NCKAP5L: variants seen among roughly 807,000 people sequenced by gnomAD.
NCKAP5L encodes the protein nck-associated protein 5-like.
In NCKAP5L, 54 loss-of-function variants were observed where a neutral mutation model predicts 103.2. The ratio of observed to expected loss-of-function variants is 0.52; its 90% confidence interval spans 0.42 to 0.66. The LOEUF is 0.66. Among genes scored for constraint, NCKAP5L ranks in the 30% least tolerant of loss-of-function variants. The pLI, the probability that NCKAP5L is intolerant of heterozygous loss-of-function variation, is 0.00. For synonymous variants in NCKAP5L, 762 were observed against 748.6 expected (o/e 1.02, Z -0.29); for missense variants, 1,733 against 1,750.6 (o/e 0.99, Z 0.18).
At chr12:49,806,300 G>T (rs1946179310) in intron 1 of NCKAP5L, among the ~76,000 whole-genome samples, 1 of 152,218 alleles carries the variant, frequency 6.6e-6, no homozygotes, top group Admixed American at 6.5e-5. Flanking sequence ...CCAGTGCAAA[G>T]GTCCCCATCT....
chr12:49,792,349 G>A lies in NCKAP5L; in HGVS notation c.3792+97C>T. 1 of 1,557,042 alleles carries A rather than the reference G, an allele frequency of 6.4e-7. No homozygotes were observed. Among genetic ancestry groups the A allele is most frequent in the Non-Finnish European group, 8.7e-7 (1 of 1,151,786 alleles). On this transcript the variant is annotated intron_variant, in intron 12 of 12. Coordinates refer to ENST00000335999, the MANE Select transcript of NCKAP5L (RefSeq NM_001037806.4). This position sits in a 1 kb window ranked among gnomAD's most constrained non-coding sequence, Gnocchi z 4.5. Reference sequence around the variant, plus strand: ...CCAGAGGGTGCAGCACTGAGACTGTGCGACACACAGGCCGTACCTTACTGG... The same window carrying A: ...CCAGAGGGTGCAGCACTGAGACTGTACGACACACAGGCCGTACCTTACTGG...
At chr12:49,825,357 G>A (rs1308900578) in intron 1 of NCKAP5L, among the ~76,000 whole-genome samples, 1 of 152,228 alleles carries the variant, frequency 6.6e-6, no homozygotes, top group African/African-American at 2.4e-5. Context: ...TGAGAGCGGT[G>A]GTGAACTGGG....
chr12:49,817,841 T>C (rs1413127549), intron 1 of NCKAP5L, among the ~76,000 whole-genome samples: 2 of 152,128 alleles, frequency 1.3e-5, no homozygotes, highest in Non-Finnish European at 2.9e-5. Context: ...ATTAAAAACT[T>C]AAACCTGGCC....
chr12:49,796,649 G>A lies in NCKAP5L; in HGVS notation c.1211C>T (p.Pro404Leu). 1 of 1,584,256 alleles carries A rather than the reference G, an allele frequency of 6.3e-7. No homozygotes were observed. Among genetic ancestry groups the A allele is most frequent in the Non-Finnish European group, 8.6e-7 (1 of 1,166,466 alleles). Reference sequence around the variant, plus strand: ...AGCACCCATGAACATGCTAAGGAAGGGGAGGGGCCCCTGGCCCTCTGAGGT... The same window carrying A: ...AGCACCCATGAACATGCTAAGGAAGAGGAGGGGCCCCTGGCCCTCTGAGGT... ...GATSEGQGPLPFLSMFMGAGD... is the reference protein window; with the variant it reads ...GATSEGQGPLLFLSMFMGAGD... The change falls in exon 8 of 13, where the codon CCC becomes CTC. Residue 404 changes from proline (P) to leucine (L), a missense_variant. Transcript: ENST00000335999.
intron 1 of NCKAP5L, among the ~76,000 whole-genome samples, chr12:49,818,276 G>A (rs566146117): frequency 6.6e-6 from 1 of 152,248 alleles, no homozygotes; most frequent in Non-Finnish European, 1.5e-5. Flanking sequence ...AGGCAACAAA[G>A]GGGATTACAT....
At chr12:49,824,013 C>G (rs1436066908) in intron 1 of NCKAP5L, among the ~76,000 whole-genome samples, 1 of 152,172 alleles carries the variant, frequency 6.6e-6, no homozygotes, top group African/African-American at 2.4e-5. Flanking sequence ...AGTTCCATAT[C>G]TGCAGTGTTT....
In NCKAP5L at chr12:49,792,235, TG is replaced by T. The variant is rs1565583286; in HGVS notation, c.3793-185del. 1 of 1,136,004 alleles carries T rather than the reference TG, an allele frequency of 8.8e-7. No homozygotes were observed. The allele number at this position is 1,136,004 out of a possible 1,614,324, so 70.4% of individuals were successfully genotyped here. Reference sequence around the variant, plus strand: ...AACTGAGAACAGTCCTACAAGGTTCTGGGGAGGGACAGAAACCTTTCCCCAC... The same window carrying T: ...AACTGAGAACAGTCCTACAAGGTTCTGGGAGGGACAGAAACCTTTCCCCAC... On this transcript the variant is annotated intron_variant, in intron 12 of 12. Coordinates refer to ENST00000335999, the MANE Select transcript of NCKAP5L (RefSeq NM_001037806.4). This position sits in a 1 kb window ranked among gnomAD's most constrained non-coding sequence, Gnocchi z 4.5.
intron 9 of NCKAP5L, 37 bp from the exon 10 acceptor site, chr12:49,793,470 C>T (rs12819772): frequency 8.8e-6 from 14 of 1,587,124 alleles, no homozygotes; most frequent in Admixed American, 3.3e-5. Flanking sequence ...GTCCACTCCT[C>T]CCCCCTCCAC....
intron 5 of NCKAP5L, 72 bp from the exon 6 acceptor site, chr12:49,802,039 A>G: frequency 6.3e-7 from 1 of 1,575,822 alleles, no homozygotes; most frequent in Non-Finnish European, 8.6e-7. Context: ...GCTCTTCATC[A>G]GAGCAGCGGC....
intron 1 of NCKAP5L, among the ~76,000 whole-genome samples, chr12:49,817,415 T>C (rs1946310798): frequency 6.6e-6 from 1 of 152,146 alleles, no homozygotes; most frequent in Non-Finnish European, 1.5e-5. Context: ...ATTTCTAGAA[T>C]ATAGGAATTG....
At chr12:49,813,750 A>C (rs1359487359) in intron 1 of NCKAP5L, among the ~76,000 whole-genome samples, 4 of 151,286 alleles carry the variant, frequency 2.6e-5, no homozygotes, top group Non-Finnish European at 5.9e-5. Flanking sequence ...CTGGTCTCCA[A>C]CTCCTGGCCT....
At position 49,795,500 on chromosome 12, in the gene NCKAP5L, C is replaced by T. The variant is rs778228585; in HGVS notation, c.2360G>A (p.Cys787Tyr). 2 of 1,532,246 alleles carry T rather than the reference C, an allele frequency of 1.3e-6. No homozygotes were observed. The highest frequency in any genetic ancestry group is 8.7e-7 in the Non-Finnish European group (1 of 1,144,704). The allele number at this position is 1,532,246 out of a possible 1,614,324, so 94.9% of individuals were successfully genotyped here. ...GGCAGGGGTACGGGGTACCTGGGGG[C>T]ACAGGGCCCCTGCCAGCCGGCTCTT... Reference protein sequence around the residue: ...LAKSRLAGALCPQVPRTPAKV... With the variant: ...LAKSRLAGALYPQVPRTPAKV... Residue 787 changes from cysteine (C) to tyrosine (Y), a missense_variant, in exon 8 of 13, where the codon TGC becomes TAC. Coordinates refer to ENST00000335999, the MANE Select transcript of NCKAP5L (RefSeq NM_001037806.4).
chr12:49,809,871 C>T (rs1201446426), intron 1 of NCKAP5L, among the ~76,000 whole-genome samples: 1 of 152,136 alleles, frequency 6.6e-6, no homozygotes, highest in Non-Finnish European at 1.5e-5. Flanking sequence ...TCCTTCCCTC[C>T]TCCTGACAAC....
At chr12:49,826,148 G>A (rs1946413995) in intron 1 of NCKAP5L, among the ~76,000 whole-genome samples, 1 of 152,026 alleles carries the variant, frequency 6.6e-6, no homozygotes, top group Admixed American at 6.5e-5. Flanking sequence ...AGGTGGGCAG[G>A]GCTGGGGGTG....
rs143103580 is a variant in NCKAP5L, at chr12:49,802,372, C to T, written c.232-405G>A. ...CAAGCGATTCTCCTGCCTCAGCCTT[C>T]CTAGTAGCTGGGACTACAGGAGTGC... is the stretch of plus-strand genomic sequence containing the variant. On this transcript the variant is annotated intron_variant, in intron 5 of 12. Coordinates refer to ENST00000335999, the MANE Select transcript of NCKAP5L (RefSeq NM_001037806.4). The T allele has an allele frequency of 3.0e-4, 52 of 172,208 alleles. No homozygotes were observed. The East Asian group carries it at 7.4e-3, about 25-fold the overall frequency. 10.7% of individuals were successfully genotyped at this position (172,208 alleles called of 1,614,324 possible). A position where few individuals can be genotyped will look rare whatever the true frequency, so the allele number is the denominator to read the frequency against.
At chr12:49,798,256 T>A in intron 7 of NCKAP5L, 94 bp downstream of exon 7, 1 of 1,199,352 alleles carries the variant, frequency 8.3e-7, no homozygotes, top group South Asian at 1.3e-5. Context: ...ACTTCCAGCC[T>A]GGACAAACGT....
At chr12:49,805,598 C>T (rs764128480) in intron 2 of NCKAP5L, 3 of 152,062 alleles carry the variant, frequency 2.0e-5, no homozygotes, top group Admixed American at 6.6e-5. Context: ...TGGGGTTGGG[C>T]GTGGTGGCTT....
intron 1 of NCKAP5L, among the ~76,000 whole-genome samples, chr12:49,807,700 T>C (rs1392819709): frequency 1.3e-5 from 2 of 152,214 alleles, no homozygotes; most frequent in Non-Finnish European, 2.9e-5. Flanking sequence ...AAACCCAGAA[T>C]GTCTCAGGTC....
In NCKAP5L at chr12:49,792,415, T is replaced by C. The variant is rs757447922; in HGVS notation, c.3792+31A>G. On this transcript the variant is annotated intron_variant, in intron 12 of 12. Coordinates refer to ENST00000335999, the MANE Select transcript of NCKAP5L (RefSeq NM_001037806.4). The surrounding 1 kb of genome is among the most constrained non-coding windows in gnomAD (Gnocchi z 4.5). The stretch of plus-strand genomic sequence containing the variant: ...CACATCACTCCCTCCTGCTCCCGAG[T>C]CCTTTCCCTTTCCTCTGCTGCAATT... 6.2e-7 allele frequency: 1 copy of C among 1,611,738 alleles called. No homozygotes were observed. Among genetic ancestry groups the C allele is most frequent in the Non-Finnish European group, 8.5e-7 (1 of 1,179,026 alleles).
Sources: allele counts gnomAD v4.1 joint callset (sites outside exome capture counted in the v4.1 genomes callset), GRCh38; gene constraint gnomAD v4.1.1; non-coding constraint Gnocchi (gnomAD v3.1); transcripts MANE v1.5; gene names NCBI Gene and HGNC (gene_info 2026-07-23, HGNC 2026-07-21).